Variants in NEMF observed in about 807,000 individuals in gnomAD.
NEMF encodes the protein ribosome quality control complex subunit NEMF.
Under a neutral mutation model 162.2 loss-of-function variants are expected in NEMF, and 89 were observed. The observed-to-expected ratio is 0.55, with a 90% CI of 0.46 to 0.65. NEMF has a LOEUF of 0.65. Among genes scored for constraint, NEMF ranks in the 30% least tolerant of loss-of-function variants. The pLI, the probability that NEMF is intolerant of heterozygous loss-of-function variation, is 0.00. For missense variants in NEMF, 1,133 were observed against 1,261.9 expected (o/e 0.90, Z 1.55); for synonymous variants, 421 against 404.5 (o/e 1.04, Z -0.49).
At chr14:49,826,681 G>A (rs1046902128) in intron 15 of NEMF, among the ~76,000 whole-genome samples, 2 of 152,086 alleles carry the variant, frequency 1.3e-5, no homozygotes, top group African/African-American at 4.8e-5. Flanking sequence ...TGCCTACTCT[G>A]TGCCAGGCAA....
intron 16 of NEMF, among the ~76,000 whole-genome samples, chr14:49,815,866 A>C (rs2061438243): frequency 6.6e-6 from 1 of 152,152 alleles, no homozygotes; most frequent in Admixed American, 6.5e-5. Flanking sequence ...CGGGAGGCTA[A>C]GGCAAAAGAA....
At chr14:49,811,696 G>C (rs566480404) in intron 18 of NEMF, among the ~76,000 whole-genome samples, 1 of 152,256 alleles carries the variant, frequency 6.6e-6, no homozygotes. Flanking sequence ...CATAAGTTGA[G>C]ATAATCCATG....
chr14:49,782,763 T>C lies in NEMF; in HGVS notation c.*1873A>G, dbSNP rs973522983. ...AAGAAAGAGGGATGTTTTATGTAGT[T>C]TTTCAAGTGAATGTACTTCCAAACA... On this transcript the variant is annotated 3_prime_UTR_variant, in exon 33 of 33. Coordinates refer to ENST00000298310, the MANE Select transcript of NEMF (RefSeq NM_004713.6). 6.4e-7 allele frequency: 1 copy of C among 1,550,626 alleles called. No individual in the cohort carries two copies. The highest frequency in any genetic ancestry group is 1.4e-5 in the African/African-American group (1 of 72,630).
At position 49,803,280 on chromosome 14, in the gene NEMF, T is replaced by C; in HGVS notation, c.1872A>G (p.Ala624=). The C allele has an allele frequency of 6.2e-7, 1 of 1,609,416 alleles. No individual in the cohort carries two copies. The highest frequency in any genetic ancestry group is 1.3e-5 in the African/African-American group (1 of 74,932). Residue 624 remains alanine (A), a synonymous_variant, in exon 20 of 33, where the codon GCA becomes GCG. Transcript: ENST00000298310. ...CTGTTGTCAAATATTCTCCAGTTGGTGCTGTTTTAGATACCTGAAGAACAC... is the reference window on the plus strand; with the variant it reads ...CTGTTGTCAAATATTCTCCAGTTGGCGCTGTTTTAGATACCTGAAGAACAC... ...WVYHHQVSKT[A]PTGEYLTTGS...
intron 3 of NEMF, 29 bp from the exon 4 acceptor site, chr14:49,846,294 T>C (rs773124160): frequency 6.2e-7 from 1 of 1,603,300 alleles, no homozygotes; most frequent in East Asian, 2.2e-5. Context: ...AGGCATTCAT[T>C]TAGTAAAAGT....
intron 20 of NEMF, 124 bp from the exon 21 acceptor site, chr14:49,802,851 C>G: frequency 1.5e-6 from 1 of 688,452 alleles, no homozygotes; most frequent in Non-Finnish European, 2.5e-6. Context: ...TTTACTATGT[C>G]AAGAATAACA....
In NEMF at chr14:49,834,167, T is replaced by C. The variant is rs963089948; in HGVS notation, c.661+196A>G. The stretch of plus-strand genomic sequence containing the variant: ...GTGCAGCTGTGCAGTCACCACCCAC[T>C]GCAGCCTCAAACACCCAGGCTTAAG... On this transcript the variant is annotated intron_variant, in intron 7 of 32. Transcript: ENST00000298310. 6.8e-6 allele frequency: 4 copies of C among 588,348 alleles called. No individual in the cohort carries two copies. The Admixed American group carries it at 7.9e-5, about 12-fold the overall frequency. The allele number at this position is 588,348 out of a possible 1,614,324, so 36.4% of individuals were successfully genotyped here. A position where few individuals can be genotyped will look rare whatever the true frequency, so the allele number is the denominator to read the frequency against.
intron 1 of NEMF, 95 bp downstream of exon 1, chr14:49,852,600 A>T: frequency 7.3e-7 from 1 of 1,365,910 alleles, no homozygotes; most frequent in South Asian, 1.2e-5. Flanking sequence ...ACTAGGAAAT[A>T]AGGAAACATA....
intron 26 of NEMF, among the ~76,000 whole-genome samples, chr14:49,793,861 TG>T (rs1269831773): frequency 6.6e-6 from 1 of 151,694 alleles, no homozygotes; most frequent in Non-Finnish European, 1.5e-5. Flanking sequence ...ATTAATTTGA[TG>T]GGTAAAAAAA....
intron 6 of NEMF, among the ~76,000 whole-genome samples, chr14:49,836,167 T>A (rs1276470681): frequency 2.0e-5 from 3 of 152,140 alleles, no homozygotes; most frequent in Non-Finnish European, 2.9e-5. Context: ...TAATCCCAGC[T>A]ACGTGGGAGG....
At chr14:49,796,079 T>A (rs1890680755) in intron 25 of NEMF, 135 bp from the exon 26 acceptor site, 1 of 652,158 alleles carries the variant, frequency 1.5e-6, no homozygotes, top group South Asian at 1.9e-5. Context: ...AATCACCAAG[T>A]TAGAAAATAC....
At chr14:49,852,607 C>G in intron 1 of NEMF, 88 bp downstream of exon 1, 1 of 1,408,802 alleles carries the variant, frequency 7.1e-7, no homozygotes, top group South Asian at 1.2e-5. Context: ...AATAAGGAAA[C>G]ATATCAAGCT....
intron 5 of NEMF, chr14:49,839,950 C>T (rs1171388866): frequency 6.6e-6 from 1 of 152,186 alleles, no homozygotes; most frequent in Non-Finnish European, 1.5e-5. Flanking sequence ...GCTAAAGCCA[C>T]AAGTTCAAGA....
At chr14:49,820,504 C>T (rs999923953) in intron 16 of NEMF, 4 of 456,438 alleles carry the variant, frequency 8.8e-6, no homozygotes, top group African/African-American at 8.0e-5. Context: ...CGCGGTGGCT[C>T]ATGCCTATAA....
Position 49,828,457 on chromosome 14 carries a change from GAACA to G in NEMF, c.1425-107_1425-104del, listed in dbSNP as rs563343178. 1,579 of 968,784 alleles carry G rather than the reference GAACA, an allele frequency of 1.6e-3. 10 individuals are homozygous for G. Among genetic ancestry groups the G allele is most frequent in the Admixed American group, 4.9e-4 (17 of 34,782 alleles). 60.0% of individuals were successfully genotyped at this position (968,784 alleles called of 1,614,324 possible). On this transcript the variant is annotated intron_variant, in intron 14 of 32. Coordinates refer to ENST00000298310, the MANE Select transcript of NEMF (RefSeq NM_004713.6). The stretch of plus-strand genomic sequence containing the variant: ...TTCTCAAATTATACAGAACAAATCA[GAACA>G]AACTGTATAATTAACAAAACTAAAT...
intron 3 of NEMF, among the ~76,000 whole-genome samples, chr14:49,851,198 CT>C (rs1462441799): frequency 6.6e-6 from 1 of 152,104 alleles, no homozygotes; most frequent in Non-Finnish European, 1.5e-5. Context: ...AGCGAGACTC[CT>C]TCTCAAAAAC....
chr14:49,833,471 C>T lies in NEMF; in HGVS notation c.687G>A (p.Leu229=). The change falls in exon 8 of 33, where the codon CTG becomes CTA. Residue 229 remains leucine (L), a synonymous_variant. Coordinates refer to ENST00000298310, the MANE Select transcript of NEMF (RefSeq NM_004713.6). ...TKDIEKVLVS[L]QKAEDYMKTT... ...TTTTCATATAGTCTTCTGCTTTCTG[C>T]AGAGAAACAAGTACTTTTTCAATAT... The T allele has an allele frequency of 6.3e-7, 1 of 1,584,712 alleles. No homozygotes were observed. The highest frequency in any genetic ancestry group is 8.6e-7 in the Non-Finnish European group (1 of 1,160,148).
chr14:49,806,238 A>G (rs1402501399), intron 18 of NEMF, 105 bp from the exon 19 acceptor site: 511 of 13,808 alleles, frequency 0.037, 3 homozygotes, highest in South Asian at 0.18. Context: ...ATGTGTATAT[A>G]TATATATATA....
rs1432321410 is a variant in NEMF, at chr14:49,784,433, CT to C, written c.*202del. 12 of 468,988 alleles carry C rather than the reference CT, an allele frequency of 2.6e-5. No individual in the cohort carries two copies. The highest frequency in any genetic ancestry group is 3.8e-5 in the Non-Finnish European group (10 of 264,934). 29.1% of individuals were successfully genotyped at this position (468,988 alleles called of 1,614,324 possible). On this transcript the variant is annotated 3_prime_UTR_variant, in exon 33 of 33. Coordinates refer to ENST00000298310, the MANE Select transcript of NEMF (RefSeq NM_004713.6). Reference sequence around the variant, plus strand: ...ATTAGCATTTAACTGTCCACAAATACTTTTGGAAATCCTATCATAGACAGTG... The same window carrying C: ...ATTAGCATTTAACTGTCCACAAATACTTTGGAAATCCTATCATAGACAGTG...
Sources: allele counts gnomAD v4.1 joint callset (sites outside exome capture counted in the v4.1 genomes callset), GRCh38; gene constraint gnomAD v4.1.1; transcripts MANE v1.5; gene names NCBI Gene and HGNC (gene_info 2026-07-23, HGNC 2026-07-21).